Variants in PPFIA2 observed in about 807,000 individuals in gnomAD.
PPFIA2 encodes PPFI scaffold protein A2.
Under a neutral mutation model 175.5 loss-of-function variants are expected in PPFIA2, and 46 were observed. The ratio of observed to expected loss-of-function variants is 0.26; its 90% CI spans 0.21 to 0.34. The LOEUF (loss-of-function observed/expected upper bound fraction) is 0.34, where lower values mean the gene tolerates loss of function less well. Ranked by LOEUF, PPFIA2 falls within the 10% of genes least tolerant of loss-of-function variation. PPFIA2 has a pLI of 1.00. For missense variants in PPFIA2, 1,179 were observed against 1,506.1 expected (o/e 0.78, Z 3.60); for synonymous variants, 568 against 511.4 (o/e 1.11, Z -1.49).
intron 4 of PPFIA2, among the ~76,000 whole-genome samples, chr12:81,541,880 A>G (rs1193475048): frequency 6.6e-6 from 1 of 152,096 alleles, no homozygotes; most frequent in South Asian, 2.1e-4. Context: ...GGCTTCTCAT[A>G]TTGGAGTTGG....
chr12:81,661,953 G>A (rs1002144460), intron 4 of PPFIA2, among the ~76,000 whole-genome samples: 1 of 152,010 alleles, frequency 6.6e-6, no homozygotes, highest in African/African-American at 2.4e-5. Context: ...ATGACTACTG[G>A]GTATATAACG....
At chr12:81,663,661 C>A (rs1304895553) in intron 4 of PPFIA2, among the ~76,000 whole-genome samples, 1 of 152,180 alleles carries the variant, frequency 6.6e-6, no homozygotes, top group African/African-American at 2.4e-5. Flanking sequence ...CTACCAATGA[C>A]TTTCTTCACA....
intron 22 of PPFIA2, among the ~76,000 whole-genome samples, chr12:81,302,948 C>A (rs530543258): frequency 6.6e-6 from 1 of 152,146 alleles, no homozygotes; most frequent in East Asian, 1.9e-4. Context: ...AAGGGTAGCA[C>A]TAATTACATA....
At chr12:81,282,924 T>A in intron 26 of PPFIA2, 86 bp downstream of exon 26, 7 of 1,206,914 alleles carry the variant, frequency 5.8e-6, no homozygotes, top group Non-Finnish European at 8.5e-6. Flanking sequence ...AGGTTTACAA[T>A]ATTATGACTT....
intron 11 of PPFIA2, among the ~76,000 whole-genome samples, chr12:81,371,928 A>AAC (rs376974623): frequency 6.0e-4 from 82 of 137,692 alleles, no homozygotes; most frequent in Non-Finnish European, 8.6e-4. Context: ...CACACACACA[A>AAC]ACACACACAC....
intron 15 of PPFIA2, among the ~76,000 whole-genome samples, chr12:81,359,942 C>T (rs999175476): frequency 1.1e-4 from 17 of 151,944 alleles, no homozygotes; most frequent in Non-Finnish European, 2.5e-4. Flanking sequence ...CCTAGCTTTT[C>T]ATACAGCTGT....
chr12:81,614,019 C>A (rs1438515615), intron 4 of PPFIA2, among the ~76,000 whole-genome samples: 1 of 151,972 alleles, frequency 6.6e-6, no homozygotes, highest in African/African-American at 2.4e-5. Context: ...AAACCATGAC[C>A]AAATCAAGAT....
intron 4 of PPFIA2, among the ~76,000 whole-genome samples, chr12:81,602,185 CA>C: frequency 6.6e-6 from 1 of 151,646 alleles, no homozygotes; most frequent in East Asian, 1.9e-4. Flanking sequence ...GCAGCATTCA[CA>C]AATATTATTA....
chr12:81,518,186 T>C (rs775372980), intron 4 of PPFIA2, among the ~76,000 whole-genome samples: 1 of 152,184 alleles, frequency 6.6e-6, no homozygotes, highest in African/African-American at 2.4e-5. Flanking sequence ...AATTTCACTA[T>C]TCCAGTCAAA....
chr12:81,462,273 ATATG>A (rs1288716739), intron 4 of PPFIA2, among the ~76,000 whole-genome samples: 1 of 128,588 alleles, frequency 7.8e-6, no homozygotes, highest in African/African-American at 3.3e-5. Flanking sequence ...ATATATATAT[ATATG>A]TTAGAAAACA....
At chr12:81,321,192 T>C (rs1399126203) in intron 22 of PPFIA2, among the ~76,000 whole-genome samples, 1 of 152,044 alleles carries the variant, frequency 6.6e-6, no homozygotes, top group East Asian at 1.9e-4. Context: ...TTTTAACCAA[T>C]AGTTATATGT....
intron 5 of PPFIA2, among the ~76,000 whole-genome samples, chr12:81,453,408 A>G (rs972990844): frequency 1.3e-5 from 2 of 152,126 alleles, no homozygotes; most frequent in Middle Eastern, 3.4e-3. Context: ...TTACCTCTTC[A>G]TTAGTTCAGA....
chr12:81,362,017 C>G lies in PPFIA2; in HGVS notation c.1637+676G>C, dbSNP rs200391075. Among the ~76,000 whole-genome samples the G allele has an allele frequency of 5.4e-3, 688 of 126,814 alleles. 1 individual carries two copies. Among genetic ancestry groups the G allele is most frequent in the South Asian group, 0.011 (38 of 3,452 alleles). The allele number at this position is 126,814 out of a possible 152,430, so 83.2% of individuals were successfully genotyped here. A position where few individuals can be genotyped will look rare whatever the true frequency, so the allele number is the denominator to read the frequency against. ...TCTATGTATCTATGTATCTATCTAT[C>G]TATCTATCTATCTATCTATCTATCT... On this transcript the variant is annotated intron_variant, in intron 15 of 32. Coordinates refer to ENST00000549396, the MANE Select transcript of PPFIA2 (RefSeq NM_003625.5).
intron 4 of PPFIA2, among the ~76,000 whole-genome samples, chr12:81,472,099 A>T (rs987164856): frequency 1.3e-5 from 2 of 152,214 alleles, no homozygotes; most frequent in African/African-American, 4.8e-5. Context: ...AGCCAGTCAC[A>T]AAGGACCATA....
intron 4 of PPFIA2, among the ~76,000 whole-genome samples, chr12:81,557,554 C>T (rs1188328213): frequency 6.6e-6 from 1 of 152,136 alleles, no homozygotes; most frequent in South Asian, 2.1e-4. Context: ...TTAATAGCTA[C>T]AGTGAATGCT....
intron 28 of PPFIA2, among the ~76,000 whole-genome samples, chr12:81,274,489 C>T (rs558359466): frequency 2.0e-5 from 3 of 152,124 alleles, no homozygotes; most frequent in Non-Finnish European, 2.9e-5. Flanking sequence ...TTAATTCAAA[C>T]GTTTCCTCCT....
intron 7 of PPFIA2, among the ~76,000 whole-genome samples, chr12:81,438,996 G>A (rs903254085): frequency 6.6e-6 from 1 of 151,788 alleles, no homozygotes; most frequent in Non-Finnish European, 1.5e-5. Flanking sequence ...TTATTTAAGA[G>A]TAAGAAGATT....
chr12:81,451,152 T>A (rs2052491190), intron 5 of PPFIA2, among the ~76,000 whole-genome samples: 1 of 151,954 alleles, frequency 6.6e-6, no homozygotes, highest in Non-Finnish European at 1.5e-5. Context: ...CACACACGCA[T>A]GCATGTTTGT....
intron 7 of PPFIA2, among the ~76,000 whole-genome samples, chr12:81,410,019 T>C (rs1230981395): frequency 6.6e-6 from 1 of 152,076 alleles, no homozygotes; most frequent in Non-Finnish European, 1.5e-5. Context: ...ATGGAATTAG[T>C]ACCAATATAA....
Sources: allele counts gnomAD v4.1 joint callset (sites outside exome capture counted in the v4.1 genomes callset), GRCh38; gene constraint gnomAD v4.1.1; transcripts MANE v1.5; gene names NCBI Gene and HGNC (gene_info 2026-07-23, HGNC 2026-07-21).